The following GPC5 variants were observed in gnomAD, a reference collection of about 807,000 sequenced individuals.
GPC5 encodes glypican 5.
In GPC5, 47 loss-of-function variants were observed where a neutral mutation model predicts 53.9. The ratio of observed to expected loss-of-function variants is 0.87; its 90% CI spans 0.69 to 1.11. The LOEUF (loss-of-function observed/expected upper bound fraction) is 1.11, where lower values mean the gene tolerates loss of function less well. GPC5 is among the 50% of genes most tolerant of loss of function. The probability of loss-of-function intolerance (pLI) is 0.00; values close to 1 mark genes in which losing one functional copy is unlikely to be tolerated. For missense variants in GPC5, 748 were observed against 713.1 expected (o/e 1.05, Z -0.56); for synonymous variants, 286 against 263.3 (o/e 1.09, Z -0.84).
chr13:92,281,013 A>G (rs1160514939), intron 7 of GPC5, among the ~76,000 whole-genome samples: 1 of 152,208 alleles, frequency 6.6e-6, no homozygotes, highest in East Asian at 1.9e-4. Flanking sequence ...GGAGGCGGTG[A>G]CAGACAGCAC....
At chr13:92,863,812 A>G (rs1879258594) in intron 7 of GPC5, among the ~76,000 whole-genome samples, 1 of 152,130 alleles carries the variant, frequency 6.6e-6, no homozygotes, top group Non-Finnish European at 1.5e-5. Flanking sequence ...TCATAGCACC[A>G]ATCACCAGGT....
At chr13:91,507,365 A>G (rs2064421780) in intron 2 of GPC5, among the ~76,000 whole-genome samples, 1 of 152,174 alleles carries the variant, frequency 6.6e-6, no homozygotes, top group Non-Finnish European at 1.5e-5. Context: ...GTAACTTACA[A>G]AATGAAGAGG....
chr13:92,763,835 T>C (rs1179753861), intron 7 of GPC5, among the ~76,000 whole-genome samples: 2 of 152,116 alleles, frequency 1.3e-5, no homozygotes, highest in South Asian at 2.1e-4. Context: ...AAGTGGTGTT[T>C]TGGAGGCTTT....
intron 7 of GPC5, among the ~76,000 whole-genome samples, chr13:92,370,419 T>C (rs1431558201): frequency 6.6e-6 from 1 of 152,176 alleles, no homozygotes; most frequent in East Asian, 1.9e-4. Flanking sequence ...GCCTATTATG[T>C]CAGCAAAATT....
At chr13:92,038,539 T>G (rs1434592125) in intron 6 of GPC5, among the ~76,000 whole-genome samples, 3 of 149,964 alleles carry the variant, frequency 2.0e-5, no homozygotes, top group Non-Finnish European at 1.5e-5. Context: ...AAACTATATA[T>G]ATTCCTATAT....
chr13:92,297,057 G>A (rs1004883783), intron 7 of GPC5, among the ~76,000 whole-genome samples: 2 of 152,238 alleles, frequency 1.3e-5, no homozygotes, highest in Admixed American at 1.3e-4. Flanking sequence ...GCAAGCGCAT[G>A]GCGCAGGACT....
chr13:91,899,998 C>T (rs763978452), intron 5 of GPC5, among the ~76,000 whole-genome samples: 24 of 152,054 alleles, frequency 1.6e-4, no homozygotes, highest in Non-Finnish European at 3.4e-4. Context: ...TTTATTATAT[C>T]ATGTGTTGGT....
At chr13:92,117,935 G>A (rs1252371987) in intron 6 of GPC5, among the ~76,000 whole-genome samples, 2 of 152,152 alleles carry the variant, frequency 1.3e-5, no homozygotes, top group South Asian at 4.1e-4. Flanking sequence ...TGTTGCTGAT[G>A]TTTATTACCA....
chr13:91,972,852 G>A (rs2040257556), intron 6 of GPC5, among the ~76,000 whole-genome samples: 1 of 152,190 alleles, frequency 6.6e-6, no homozygotes, highest in African/African-American at 2.4e-5. Flanking sequence ...AGTCTGATGG[G>A]CTTCCCTTTG....
At chr13:91,833,238 T>G (rs1199597237) in intron 5 of GPC5, among the ~76,000 whole-genome samples, 7 of 151,950 alleles carry the variant, frequency 4.6e-5, no homozygotes, top group African/African-American at 1.7e-4. Context: ...GTTCTGAAAT[T>G]AAGGCAGCAA....
rs565210752 is a variant in GPC5, at chr13:91,574,620, C to T, written c.326-118567C>T. ...AAAATATTAGAAAGTTATAGAGTTGCTGGCAAGATGAAGTACACTATATAT... is the reference window on the plus strand; with the variant it reads ...AAAATATTAGAAAGTTATAGAGTTGTTGGCAAGATGAAGTACACTATATAT... On this transcript the variant is annotated intron_variant, in intron 2 of 7. Transcript: ENST00000377067. Among the ~76,000 whole-genome samples the T allele has an allele frequency of 5.3e-5, 8 of 152,188 alleles. No homozygotes were observed. The East Asian group carries it at 1.5e-3, about 29-fold the overall frequency.
intron 5 of GPC5, among the ~76,000 whole-genome samples, chr13:91,882,964 C>T (rs2039283398): frequency 6.6e-6 from 1 of 151,950 alleles, no homozygotes; most frequent in African/African-American, 2.4e-5. Context: ...TAAGAAACTA[C>T]CCAAATTTAA....
rs867826908 is a variant in GPC5, at chr13:91,451,616, G to T, written c.325+2694G>T. On this transcript the variant is annotated intron_variant, in intron 2 of 7. Coordinates refer to ENST00000377067, the MANE Select transcript of GPC5 (RefSeq NM_004466.6). ...AGCCTCTAGGACAACTCTTCTGTTT[G>T]TTTGTTTTTTTTTTTCCCCGAGGTG... Among the ~76,000 whole-genome samples, 100 of 92,892 alleles carry T rather than the reference G, an allele frequency of 1.1e-3. No individual in the cohort carries two copies. The Middle Eastern group carries it at 0.04, about 37-fold the overall frequency. The allele number at this position is 92,892 out of a possible 152,430, so 60.9% of individuals were successfully genotyped here. A position where few individuals can be genotyped will look rare whatever the true frequency, so the allele number is the denominator to read the frequency against.
At chr13:91,695,541 T>A (rs1450232410) in intron 3 of GPC5, among the ~76,000 whole-genome samples, 1 of 151,888 alleles carries the variant, frequency 6.6e-6, no homozygotes, top group African/African-American at 2.4e-5. Context: ...GCCCAACTAA[T>A]TTTTTGTATT....
At chr13:92,040,203 C>CGGTATGTGT (rs1265779599) in intron 6 of GPC5, among the ~76,000 whole-genome samples, 4 of 152,164 alleles carry the variant, frequency 2.6e-5, no homozygotes, top group Non-Finnish European at 5.9e-5. Context: ...GCCAGGGCCA[C>CGGTATGTGT]GGTATGTGTG....
At chr13:92,278,783 C>T (rs905385674) in intron 7 of GPC5, among the ~76,000 whole-genome samples, 1 of 151,886 alleles carries the variant, frequency 6.6e-6, no homozygotes, top group Non-Finnish European at 1.5e-5. Context: ...TGTTAGAGAT[C>T]ACTCCTCCCC....
At chr13:91,746,912 A>G (rs2037062172) in intron 4 of GPC5, among the ~76,000 whole-genome samples, 1 of 152,182 alleles carries the variant, frequency 6.6e-6, no homozygotes, top group African/African-American at 2.4e-5. Context: ...CTTGGTACAG[A>G]TTTTGTGAAA....
chr13:92,650,257 T>G (rs1430215102), intron 7 of GPC5, among the ~76,000 whole-genome samples: 3 of 152,068 alleles, frequency 2.0e-5, no homozygotes, highest in Non-Finnish European at 4.4e-5. Context: ...GCCATACGCT[T>G]TCAGGATAAC....
At chr13:92,808,355 T>C (rs569564547) in intron 7 of GPC5, among the ~76,000 whole-genome samples, 1 of 152,254 alleles carries the variant, frequency 6.6e-6, no homozygotes, top group South Asian at 2.1e-4. Context: ...TTAGTTTCTT[T>C]ATTTAGAAAC....
Sources: allele counts gnomAD v4.1 joint callset (sites outside exome capture counted in the v4.1 genomes callset), GRCh38; gene constraint gnomAD v4.1.1; transcripts MANE v1.5; gene names NCBI Gene and HGNC (gene_info 2026-07-23, HGNC 2026-07-21).